LYPD6: variants seen among roughly 807,000 people sequenced by gnomAD.
The protein encoded by LYPD6 is LY6/PLAUR domain containing 6.
In LYPD6, 15 loss-of-function variants were observed where a neutral mutation model predicts 22.7. The ratio of observed to expected loss-of-function variants is 0.66; its 90% CI spans 0.44 to 1.02. The LOEUF (loss-of-function observed/expected upper bound fraction) is 1.02. Ranked by LOEUF, LYPD6 falls within the 50% of genes least tolerant of loss-of-function variation. LYPD6 has a pLI of 0.00. For missense variants in LYPD6, 189 were observed against 208.4 expected, an observed-to-expected ratio of 0.91 and a Z score of 0.57; for synonymous variants, 72 against 77.5, an observed-to-expected ratio of 0.93 and a Z score of 0.37.
At chr2:149,485,389 A>T in the LYPD6 span, among the ~76,000 whole-genome samples, 3 of 152,214 alleles carry the variant, frequency 2.0e-5, no homozygotes, top group Admixed American at 1.3e-4. Context: ...AGGGTTGCAG[A>T]TAGAGCAAGG....
At chr2:149,359,262 T>C (rs765793811) in intron 1 of LYPD6, among the ~76,000 whole-genome samples, 1 of 152,180 alleles carries the variant, frequency 6.6e-6, no homozygotes, top group South Asian at 2.1e-4. Context: ...GAGATTCCTA[T>C]GGGGGTGTCC....
intron 1 of LYPD6, among the ~76,000 whole-genome samples, chr2:149,431,997 C>T (rs1683324203): frequency 6.6e-6 from 1 of 151,998 alleles, no homozygotes; most frequent in African/African-American, 2.4e-5. Context: ...CTAATAAGCA[C>T]ATGAAAAGAT....
chr2:149,354,345 T>C (rs559742634), intron 1 of LYPD6, among the ~76,000 whole-genome samples: 1 of 152,218 alleles, frequency 6.6e-6, no homozygotes, highest in Non-Finnish European at 1.5e-5. Context: ...GTAGCTGGGA[T>C]TACAGGTGCA....
chr2:149,471,084 C>A lies in LYPD6; in HGVS notation c.*234C>A. 1 of 396,010 alleles carries A rather than the reference C, an allele frequency of 2.5e-6. No individual in the cohort carries two copies. The highest frequency in any genetic ancestry group is 4.6e-6 in the Non-Finnish European group (1 of 219,426). 24.5% of individuals were successfully genotyped at this position (396,010 alleles called of 1,614,324 possible). ...TGTCAGTACAGCCCAAGTTCCATAC[C>A]ATAAACGTTTGTTTTCATTCCAAGA... On this transcript the variant is annotated 3_prime_UTR_variant, in exon 5 of 5. Transcript: ENST00000334166.
In LYPD6 at chr2:149,454,086, T is replaced by C. The variant is rs147296659; in HGVS notation, c.217+4939T>C. Among the ~76,000 whole-genome samples the C allele has an allele frequency of 2.0e-4, 30 of 152,366 alleles. No individual in the cohort carries two copies. In the East Asian group the frequency reaches 5.8e-3, roughly 29 times the overall value. ...CACTTCTGGCTGCTATGTAATAAGATGTTTTTCAGATGATCTCTCATCATA... is the reference window on the plus strand; with the variant it reads ...CACTTCTGGCTGCTATGTAATAAGACGTTTTTCAGATGATCTCTCATCATA... On this transcript the variant is annotated intron_variant, in intron 3 of 4. Transcript: ENST00000334166.
chr2:149,457,079 A>C (rs1188922051), intron 3 of LYPD6, among the ~76,000 whole-genome samples: 1 of 152,182 alleles, frequency 6.6e-6, no homozygotes, highest in Non-Finnish European at 1.5e-5. Context: ...ACGTTCTAGG[A>C]CTTATCATTC....
intron 1 of LYPD6, among the ~76,000 whole-genome samples, chr2:149,373,160 G>A (rs1249315525): frequency 1.3e-5 from 2 of 152,154 alleles, no homozygotes; most frequent in African/African-American, 2.4e-5. Flanking sequence ...GCAGGAGAAG[G>A]TGTTGAGGGT....
intron 1 of LYPD6, among the ~76,000 whole-genome samples, chr2:149,362,539 C>T (rs964252958): frequency 6.6e-6 from 1 of 152,128 alleles, no homozygotes; most frequent in Non-Finnish European, 1.5e-5. Flanking sequence ...TTTTGTGCTG[C>T]TACAACAGAA....
intron 1 of LYPD6, among the ~76,000 whole-genome samples, chr2:149,378,194 G>C (rs1305468042): frequency 6.6e-6 from 1 of 152,088 alleles, no homozygotes; most frequent in Non-Finnish European, 1.5e-5. Context: ...ACAGCTCCTT[G>C]CAGCCTCAAC....
At chr2:149,433,146 T>A (rs1348633212) in intron 1 of LYPD6, among the ~76,000 whole-genome samples, 1 of 152,204 alleles carries the variant, frequency 6.6e-6, no homozygotes, top group East Asian at 1.9e-4. Context: ...ATTGTGAGAA[T>A]TAAAATTCAA....
chr2:149,389,102 T>TA (rs1314833104), intron 1 of LYPD6, among the ~76,000 whole-genome samples: 8 of 151,978 alleles, frequency 5.3e-5, no homozygotes, highest in East Asian at 1.9e-4. Context: ...ACTAGAAGGT[T>TA]AAAAAAAACC....
At chr2:149,458,234 A>T (rs990566943) in intron 3 of LYPD6, among the ~76,000 whole-genome samples, 1 of 152,202 alleles carries the variant, frequency 6.6e-6, no homozygotes, top group East Asian at 1.9e-4. Flanking sequence ...CCAGGCAGTA[A>T]CAAGGTCTCT....
intron 1 of LYPD6, among the ~76,000 whole-genome samples, chr2:149,391,508 T>G (rs1196688): frequency 0.85 from 129,102 of 151,914 alleles, 55,068 homozygotes; most frequent in East Asian, 1. Flanking sequence ...TGTGATCTTT[T>G]CTTTGAGGTC....
chr2:149,434,163 A>G (rs56760291), intron 1 of LYPD6, among the ~76,000 whole-genome samples: 44,122 of 151,894 alleles, frequency 0.29, 8,290 homozygotes, highest in African/African-American at 0.54. Flanking sequence ...ATAAATAAGT[A>G]GTATGATGGA....
At position 149,450,792 on chromosome 2, in the gene LYPD6, T is replaced by A. The variant is rs554394983; in HGVS notation, c.217+1645T>A. 4.6e-5 allele frequency among the ~76,000 whole-genome samples: 7 copies of A among 152,348 alleles called. No homozygotes were observed. The East Asian group carries it at 1.2e-3, about 25-fold the overall frequency. On this transcript the variant is annotated intron_variant, in intron 3 of 4. Coordinates refer to ENST00000334166, the MANE Select transcript of LYPD6 (RefSeq NM_194317.5). ...TCGAAAACACTAACACCTAGATTTG[T>A]TCCCAGCGATTCATATTAAATGGTC...
At chr2:149,361,962 A>G (rs969565276) in intron 1 of LYPD6, among the ~76,000 whole-genome samples, 34 of 152,180 alleles carry the variant, frequency 2.2e-4, no homozygotes, top group African/African-American at 8.0e-4. Context: ...CAGAGGTTGC[A>G]ATGATGTGCT....
rs187452518 is a variant in LYPD6 at position 149,449,344 on chromosome 2, C to T, written c.217+197C>T. Among the ~76,000 whole-genome samples the T allele has an allele frequency of 1.5e-3, 231 of 152,318 alleles. 1 individual carries two copies. The highest frequency in any genetic ancestry group is 5.3e-3 in the African/African-American group (219 of 41,560). On this transcript the variant is annotated intron_variant, in intron 3 of 4. Transcript: ENST00000334166. ...CATAAACTGAGCCATAGGATTGTTT[C>T]CTTTCTCATGAAGTATTTTTGGCAC...
intron 1 of LYPD6, among the ~76,000 whole-genome samples, chr2:149,423,062 C>T (rs545747329): frequency 1.2e-4 from 19 of 152,122 alleles, no homozygotes; most frequent in African/African-American, 4.3e-4. Context: ...TGTAATGGAT[C>T]CTGAGCTGGG....
chr2:149,339,113 C>A (rs1289406294), intron 1 of LYPD6, among the ~76,000 whole-genome samples: 1 of 152,102 alleles, frequency 6.6e-6, no homozygotes, highest in Non-Finnish European at 1.5e-5. Context: ...GGATAGGAGC[C>A]TAGTGTATAC....
Sources: allele counts gnomAD v4.1 joint callset (sites outside exome capture counted in the v4.1 genomes callset), GRCh38; gene constraint gnomAD v4.1.1; transcripts MANE v1.5; gene names NCBI Gene and HGNC (gene_info 2026-07-23, HGNC 2026-07-21).